The following LPIN1 variants were observed in gnomAD, a reference collection of about 807,000 sequenced individuals.
LPIN1 encodes lipin 1.
LPIN1 carries 71 observed loss-of-function variants against 107.5 expected under a neutral mutation model. That is an observed-to-expected ratio of 0.66 (90% CI 0.55 to 0.80). The LOEUF (loss-of-function observed/expected upper bound fraction) is 0.80. Among genes scored for constraint, LPIN1 ranks in the 30% least tolerant of loss-of-function variants. The probability of loss-of-function intolerance (pLI) is 0.00; values close to 1 mark genes in which losing one functional copy is unlikely to be tolerated. For missense variants in LPIN1, 1,043 were observed against 1,160.6 expected (o/e 0.90, Z 1.47); for synonymous variants, 445 against 452.6 (o/e 0.98, Z 0.21).
chr2:11,766,929 C>T (rs575107101), intron 2 of LPIN1, among the ~76,000 whole-genome samples: 2 of 152,332 alleles, frequency 1.3e-5, no homozygotes, highest in Admixed American at 6.5e-5. Context: ...TCCTATCTCC[C>T]ATTCCATCAT....
At chr2:11,766,760 AAAACAAACAC>A (rs369500328) in intron 2 of LPIN1, among the ~76,000 whole-genome samples, 1,317 of 129,876 alleles carry the variant, frequency 0.01, 11 homozygotes, top group Middle Eastern at 0.018. Context: ...TATCAGGCAA[AAAACAAACAC>A]AAACAAACAA....
Position 11,824,642 on chromosome 2 carries a change from C to T in LPIN1, c.2632C>T (p.Leu878Phe). The T allele has an allele frequency of 6.2e-7, 1 of 1,613,990 alleles. No individual in the cohort carries two copies. Among genetic ancestry groups the T allele is most frequent in the Non-Finnish European group, 8.5e-7 (1 of 1,180,002 alleles). Residue 878 changes from leucine to phenylalanine, a missense_variant, in exon 21 of 21, where the codon CTC becomes TTC. Transcript: ENST00000674199. ...TCCCTTTCCTTCCAGGTATGTGAGACTCTGTGAAGTAGTCGACCACGTTTT... is the reference window on the plus strand; with the variant it reads ...TCCCTTTCCTTCCAGGTATGTGAGATTCTGTGAAGTAGTCGACCACGTTTT... ...AKTNISSYVR[L>F]CEVVDHVFPL...
intron 1 of LPIN1, among the ~76,000 whole-genome samples, chr2:11,679,597 A>G (rs918700200): frequency 1.3e-5 from 2 of 152,098 alleles, no homozygotes; most frequent in African/African-American, 4.8e-5. Flanking sequence ...CGCTCTTCCA[A>G]CCCCACAACC....
In LPIN1 at chr2:11,790,815, T is replaced by A. The variant is rs375016810; in HGVS notation, c.1714-1099T>A. On this transcript the variant is annotated intron_variant, in intron 12 of 20. Coordinates refer to ENST00000674199, the MANE Select transcript of LPIN1 (RefSeq NM_001349206.2). The stretch of plus-strand genomic sequence containing the variant: ...ACTGCATTCTTTTAGTTACCATATA[T>A]TTTGGTATATTTTAATACCCAGTAG... Among the ~76,000 whole-genome samples the A allele has an allele frequency of 7.9e-5, 12 of 152,338 alleles. No homozygotes were observed. In the East Asian group the frequency reaches 1.5e-3, roughly 20 times the overall value.
chr2:11,770,699 A>G (rs1244757495), intron 3 of LPIN1, among the ~76,000 whole-genome samples: 1 of 152,210 alleles, frequency 6.6e-6, no homozygotes, highest in Non-Finnish European at 1.5e-5. Context: ...TCATTAATAA[A>G]ATGATTACTA....
intron 2 of LPIN1, among the ~76,000 whole-genome samples, chr2:11,719,189 ATTATTT>A (rs1558747792): frequency 6.6e-6 from 1 of 151,788 alleles, no homozygotes; most frequent in African/African-American, 2.4e-5. Flanking sequence ...TATTCCCTTC[ATTATTT>A]TTATTTATTC....
At chr2:11,793,626 C>T (rs1161902183) in intron 13 of LPIN1, among the ~76,000 whole-genome samples, 1 of 152,208 alleles carries the variant, frequency 6.6e-6, no homozygotes, top group Non-Finnish European at 1.5e-5. Context: ...GGGCTTTGCA[C>T]ATGCTATTTT....
chr2:11,768,511 GT>G lies in LPIN1; in HGVS notation c.288+662del, dbSNP rs142855780. ...TTACAGTATCTGGTCTTTTGTGCCT[GT>G]TTTTTTTTGACTAATGTTTCAAGGT... is the stretch of plus-strand genomic sequence containing the variant. On this transcript the variant is annotated intron_variant, in intron 3 of 20. Coordinates refer to ENST00000674199, the MANE Select transcript of LPIN1 (RefSeq NM_001349206.2). Among the ~76,000 whole-genome samples the G allele has an allele frequency of 1.8e-3, 272 of 150,460 alleles. 4 individuals are homozygous for G. The East Asian group carries it at 0.022, about 12-fold the overall frequency.
In LPIN1 at chr2:11,771,804, A is replaced by C; in HGVS notation, c.596+125A>C. 9.5e-7 allele frequency: 1 copy of C among 1,051,860 alleles called. No individual in the cohort carries two copies. Among genetic ancestry groups the C allele is most frequent in the Non-Finnish European group, 1.4e-6 (1 of 729,032 alleles). 65.2% of individuals were successfully genotyped at this position (1,051,860 alleles called of 1,614,324 possible). ...ATGTGTTTTAGACCAGTGGTCCCCA[A>C]CCTTTTTGGCACTAGGGACCAGTTT... On this transcript the variant is annotated intron_variant, in intron 4 of 20. Transcript: ENST00000674199. The surrounding 1 kb of genome is among the most constrained non-coding windows in gnomAD (Gnocchi z 4.8).
chr2:11,692,761 T>A (rs766709844), intron 1 of LPIN1, among the ~76,000 whole-genome samples: 1 of 152,208 alleles, frequency 6.6e-6, no homozygotes, highest in Non-Finnish European at 1.5e-5. Context: ...CTTCTCCAGA[T>A]GTTTTTGATG....
rs1572924772 is a variant in LPIN1, at chr2:11,803,316, G to A, written c.2013+283G>A. On this transcript the variant is annotated intron_variant, in intron 15 of 20. Transcript: ENST00000674199. The surrounding 1 kb of genome is among the most constrained non-coding windows in gnomAD (Gnocchi z 4.2). ...GAAGGCAGCCTGGCGGAGCTAATTC[G>A]TCCTAAGGTGTCAATCACAGATAGA... Among the ~76,000 whole-genome samples, 2 of 151,988 alleles carry A rather than the reference G, an allele frequency of 1.3e-5. No individual in the cohort carries two copies. Among genetic ancestry groups the A allele is most frequent in the Non-Finnish European group, 2.9e-5 (2 of 67,996 alleles).
chr2:11,686,575 G>A lies in LPIN1; in HGVS notation c.81+8847G>A, dbSNP rs116794015. Among the ~76,000 whole-genome samples, 231 of 152,218 alleles carry A rather than the reference G, an allele frequency of 1.5e-3. 1 individual carries two copies. The highest frequency in any genetic ancestry group is 5.4e-3 in the African/African-American group (223 of 41,538). On this transcript the variant is annotated intron_variant, in intron 1 of 21. Coordinates refer to the LPIN1 transcript ENST00000449576. ...TGACTTTTGTGGATGGGTTGTCCTC[G>A]TTTAAAGGGACAGGAACAGGGTGGG...
chr2:11,824,480 T>C, intron 20 of LPIN1, 152 bp from the exon 21 acceptor site: 1 of 736,368 alleles, frequency 1.4e-6, no homozygotes, highest in Non-Finnish European at 2.4e-6. Context: ...TTTCAATTAA[T>C]CGATAACAAA....
upstream of LPIN1, chr2:11,724,217 A>G: frequency 2.0e-6 from 1 of 504,156 alleles, no homozygotes; most frequent in South Asian, 8.4e-5. Flanking sequence ...AACCTGGCTC[A>G]CTCCTCTTCA....
At chr2:11,766,317 G>A (rs1042653711) in intron 2 of LPIN1, among the ~76,000 whole-genome samples, 3 of 152,198 alleles carry the variant, frequency 2.0e-5, no homozygotes, top group Non-Finnish European at 4.4e-5. Context: ...TGGGCTCAAG[G>A]GGAGGAGAAA....
At chr2:11,713,992 T>G (rs541375956) in intron 2 of LPIN1, among the ~76,000 whole-genome samples, 1 of 152,316 alleles carries the variant, frequency 6.6e-6, no homozygotes, top group South Asian at 2.1e-4. Flanking sequence ...CTTGATTAGC[T>G]CCCCATGGAG....
chr2:11,685,335 A>T lies in LPIN1; in HGVS notation c.81+7607A>T, dbSNP rs1049734234. Among the ~76,000 whole-genome samples the T allele has an allele frequency of 3.9e-5, 6 of 152,274 alleles. No individual in the cohort carries two copies. In the Middle Eastern group the frequency reaches 0.01, roughly 259 times the overall value. ...GCGGAGCACAGGCCAGCATGGAGGCATTGGCCTCGACCCCACCTTGGGGTG... is the reference window on the plus strand; with the variant it reads ...GCGGAGCACAGGCCAGCATGGAGGCTTTGGCCTCGACCCCACCTTGGGGTG... On this transcript the variant is annotated intron_variant, in intron 1 of 21. Transcript: ENST00000449576.
In LPIN1 at chr2:11,774,787, G is replaced by C. The variant is rs986569622; in HGVS notation, c.722+1042G>C. 2.0e-5 allele frequency among the ~76,000 whole-genome samples: 3 copies of C among 152,114 alleles called. No individual in the cohort carries two copies. The highest frequency in any genetic ancestry group is 4.4e-5 in the Non-Finnish European group (3 of 68,024). On this transcript the variant is annotated intron_variant, in intron 5 of 20. Transcript: ENST00000674199. This position sits in a 1 kb window ranked among gnomAD's most constrained non-coding sequence, Gnocchi z 4.4. ...TGGAGAGAAAATAGATATGTCCCAT[G>C]CCTGGTTTCCAGCCAATACTGATGT...
At chr2:11,782,555 C>T (rs772876810) in intron 8 of LPIN1, 48 bp downstream of exon 8, 21 of 1,606,996 alleles carry the variant, frequency 1.3e-5, no homozygotes, top group Non-Finnish European at 1.7e-5. Context: ...ATAGTTTGTG[C>T]TCACTCTACA....
Sources: gnomAD v4.1 joint callset for allele counts (sites outside exome capture counted in the v4.1 genomes callset) on GRCh38, gnomAD v4.1.1 for gene constraint, Gnocchi (gnomAD v3.1) non-coding constraint, MANE v1.5 for transcripts, NCBI Gene and HGNC (gene_info 2026-07-23, HGNC 2026-07-21) for gene names.